C1orf21: variants seen among roughly 807,000 people sequenced by gnomAD.
The protein encoded by C1orf21 is uncharacterized protein C1orf21.
C1orf21 carries 3 observed loss-of-function variants against 18.7 expected under a neutral mutation model. The observed-to-expected ratio is 0.16, with a 90% CI of 0.07 to 0.42. The LOEUF (loss-of-function observed/expected upper bound fraction) is 0.42. Ranked by LOEUF, C1orf21 falls within the 10% of genes least tolerant of loss-of-function variation. The pLI, the probability that C1orf21 is intolerant of heterozygous loss-of-function variation, is 0.99. For missense variants in C1orf21, 104 were observed against 143.6 expected (o/e 0.72, Z 1.41); for synonymous variants, 41 against 46.4 (o/e 0.88, Z 0.47).
At chr1:184,423,872 T>C (rs1274739707) in intron 1 of C1orf21, among the ~76,000 whole-genome samples, 3 of 150,282 alleles carry the variant, frequency 2.0e-5, no homozygotes, top group Non-Finnish European at 1.5e-5. Flanking sequence ...CATCCATCCA[T>C]CCATCCATCC....
In C1orf21 at chr1:184,547,217, C is replaced by T. The variant is rs1658739981; in HGVS notation, c.189+39535C>T. 2.0e-5 allele frequency among the ~76,000 whole-genome samples: 3 copies of T among 152,076 alleles called. No individual in the cohort carries two copies. In the South Asian group the frequency reaches 6.2e-4, roughly 31 times the overall value. Reference sequence around the variant, plus strand: ...AGAGGCCAGACCATGCAGGGCAGGACCTCTGAGGACAAGTTAGTAGGGCTG... The same window carrying T: ...AGAGGCCAGACCATGCAGGGCAGGATCTCTGAGGACAAGTTAGTAGGGCTG... On this transcript the variant is annotated intron_variant, in intron 3 of 5. Transcript: ENST00000235307.
rs1658532833 is a variant in C1orf21, at chr1:184,535,176, C to A, written c.189+27494C>A. Among the ~76,000 whole-genome samples, 3 of 152,158 alleles carry A rather than the reference C, an allele frequency of 2.0e-5. No homozygotes were observed. In the South Asian group the frequency reaches 6.2e-4, roughly 32 times the overall value. On this transcript the variant is annotated intron_variant, in intron 3 of 5. Transcript: ENST00000235307. ...GATCTGTTGTAGGGAAGTGAGCCCC[C>A]TTCACACCAGCTGTCATTTCTGCTA...
Position 184,558,305 on chromosome 1 carries a change from A to T in C1orf21, c.190-32434A>T, listed in dbSNP as rs959635181. ...ATAAAATCTTAATGTTCATCAGTAAATTATTCATGATTTCTATGGCCCTGA... is the reference window on the plus strand; with the variant it reads ...ATAAAATCTTAATGTTCATCAGTAATTTATTCATGATTTCTATGGCCCTGA... On this transcript the variant is annotated intron_variant, in intron 3 of 5. Transcript: ENST00000235307. 2.6e-5 allele frequency among the ~76,000 whole-genome samples: 4 copies of T among 152,188 alleles called. No individual in the cohort carries two copies. In the South Asian group the frequency reaches 6.2e-4, roughly 24 times the overall value.
At chr1:184,512,404 C>T (rs1368441295) in intron 3 of C1orf21, among the ~76,000 whole-genome samples, 1 of 152,176 alleles carries the variant, frequency 6.6e-6, no homozygotes, top group Non-Finnish European at 1.5e-5. Flanking sequence ...TGCCACAGAC[C>T]TCCAGTCTCT....
chr1:184,587,288 C>G (rs1206336253), intron 3 of C1orf21, among the ~76,000 whole-genome samples: 1 of 137,084 alleles, frequency 7.3e-6, no homozygotes, highest in Admixed American at 7.2e-5. Flanking sequence ...TTTTCGGTTC[C>G]ATGTGAATTT....
intron 1 of C1orf21, among the ~76,000 whole-genome samples, chr1:184,422,363 G>A (rs1465388258): frequency 6.6e-6 from 1 of 152,158 alleles, no homozygotes; most frequent in Non-Finnish European, 1.5e-5. Context: ...AGCAAAATTT[G>A]TGTAACACTG....
At chr1:184,535,750 A>AG (rs1406210536) in intron 3 of C1orf21, among the ~76,000 whole-genome samples, 1 of 152,182 alleles carries the variant, frequency 6.6e-6, no homozygotes, top group East Asian at 1.9e-4. Context: ...TCACGTTTGA[A>AG]GGCTTACTGT....
intron 1 of C1orf21, among the ~76,000 whole-genome samples, chr1:184,413,541 G>A (rs757625430): frequency 6.6e-5 from 10 of 152,150 alleles, no homozygotes; most frequent in Admixed American, 1.3e-4. Flanking sequence ...TATAGAGGTT[G>A]GCAGTAAGTC....
intron 2 of C1orf21, among the ~76,000 whole-genome samples, chr1:184,480,686 T>C (rs1657640628): frequency 6.6e-6 from 1 of 152,208 alleles, no homozygotes; most frequent in Non-Finnish European, 1.5e-5. Flanking sequence ...AGTGACTTTA[T>C]TCCATAGCTT....
chr1:184,505,392 A>C (rs1230211458), intron 2 of C1orf21, among the ~76,000 whole-genome samples: 2 of 148,222 alleles, frequency 1.3e-5, no homozygotes, highest in Non-Finnish European at 3.0e-5. Flanking sequence ...ATATATATTT[A>C]TATCAGTGTT....
intron 4 of C1orf21, among the ~76,000 whole-genome samples, chr1:184,593,541 T>C (rs1262772997): frequency 1.3e-5 from 2 of 152,212 alleles, no homozygotes; most frequent in African/African-American, 4.8e-5. Flanking sequence ...GTCATCCTCA[T>C]ACCTTCATTT....
Position 184,589,478 on chromosome 1 carries a change from T to A in C1orf21, c.190-1261T>A, listed in dbSNP as rs534980018. 6.6e-5 allele frequency among the ~76,000 whole-genome samples: 10 copies of A among 152,366 alleles called. No individual in the cohort carries two copies. In the South Asian group the frequency reaches 2.1e-3, roughly 32 times the overall value. On this transcript the variant is annotated intron_variant, in intron 3 of 5. Coordinates refer to ENST00000235307, the MANE Select transcript of C1orf21 (RefSeq NM_030806.4). ...CTGTTGTGAGTGCATTCGGGTTTTC[T>A]AATTTCTCCCACCTGCTTTGTAAAA...
At chr1:184,430,284 G>A (rs2101970431) in intron 1 of C1orf21, among the ~76,000 whole-genome samples, 1 of 152,134 alleles carries the variant, frequency 6.6e-6, no homozygotes, top group East Asian at 1.9e-4. Flanking sequence ...TCTATCAGAT[G>A]ATCAGAAACT....
chr1:184,397,655 A>C (rs1422136681), intron 1 of C1orf21, among the ~76,000 whole-genome samples: 1 of 152,206 alleles, frequency 6.6e-6, no homozygotes, highest in African/African-American at 2.4e-5. Context: ...TGCTGCATGC[A>C]AAGTTTAATG....
chr1:184,462,802 C>T (rs1657327859), intron 1 of C1orf21, among the ~76,000 whole-genome samples: 1 of 152,114 alleles, frequency 6.6e-6, no homozygotes, highest in South Asian at 2.1e-4. Context: ...TAGTGTTCGG[C>T]CGGGTGTGGT....
At chr1:184,613,169 C>T (rs1200341356) in intron 5 of C1orf21, among the ~76,000 whole-genome samples, 3 of 152,152 alleles carry the variant, frequency 2.0e-5, no homozygotes, top group Admixed American at 6.5e-5. Context: ...AGGCTGGTCT[C>T]GAACTCTTGA....
intron 2 of C1orf21, among the ~76,000 whole-genome samples, chr1:184,502,560 A>G (rs1657993082): frequency 6.6e-6 from 1 of 151,896 alleles, no homozygotes; most frequent in South Asian, 2.1e-4. Context: ...ATTAGGTTTC[A>G]GTAGTGAATA....
chr1:184,615,730 C>T (rs559598141), intron 5 of C1orf21, among the ~76,000 whole-genome samples: 3 of 152,312 alleles, frequency 2.0e-5, no homozygotes, highest in Non-Finnish European at 4.4e-5. Context: ...ATGGGGTCCC[C>T]TGTGATGCTG....
At chr1:184,435,045 A>G (rs1656837414) in intron 1 of C1orf21, among the ~76,000 whole-genome samples, 1 of 152,310 alleles carries the variant, frequency 6.6e-6, no homozygotes, top group Non-Finnish European at 1.5e-5. Context: ...GGTTTGGAGC[A>G]ATAGAGAAGG....
Sources: gnomAD v4.1 joint callset for allele counts (sites outside exome capture counted in the v4.1 genomes callset) on GRCh38, gnomAD v4.1.1 for gene constraint, MANE v1.5 for transcripts, NCBI Gene and HGNC (gene_info 2026-07-23, HGNC 2026-07-21) for gene names.